The following CSE1L variants were observed in gnomAD, a reference collection of about 807,000 sequenced individuals.
CSE1L encodes chromosome segregation 1 like.
CSE1L carries 24 observed loss-of-function variants against 120.4 expected under a neutral mutation model. That is an observed-to-expected ratio of 0.20 (90% CI 0.14 to 0.28). The LOEUF (loss-of-function observed/expected upper bound fraction) is 0.28, where lower values mean the gene tolerates loss of function less well. Among genes scored for constraint, CSE1L ranks in the 10% least tolerant of loss-of-function variants. The pLI is 1.00. For synonymous variants in CSE1L, 402 were observed against 398.3 expected, an observed-to-expected ratio of 1.01 and a Z score of -0.11; for missense variants, 830 against 1,145.2, an observed-to-expected ratio of 0.72 and a Z score of 3.97.
chr20:49,085,260 G>A (rs757528731), intron 15 of CSE1L, 23 bp from the exon 16 acceptor site: 1 of 1,588,024 alleles, frequency 6.3e-7, no homozygotes, highest in Non-Finnish European at 8.6e-7. Flanking sequence ...GGTAGTGACT[G>A]AAAGCTGTTT....
intron 2 of CSE1L, among the ~76,000 whole-genome samples, chr20:49,062,447 T>C (rs1233964231): frequency 6.6e-6 from 1 of 152,220 alleles, no homozygotes; most frequent in African/African-American, 2.4e-5. Flanking sequence ...ATGTGATCAT[T>C]AACCTAGGAA....
chr20:49,094,062 A>C, intron 22 of CSE1L, 78 bp from the exon 23 acceptor site: 1 of 859,348 alleles, frequency 1.2e-6, no homozygotes, highest in Admixed American at 3.0e-5. Context: ...ATTCATAAGA[A>C]GTAACTAACA....
chr20:49,048,790 G>A (rs537612317), intron 1 of CSE1L, among the ~76,000 whole-genome samples: 1 of 152,296 alleles, frequency 6.6e-6, no homozygotes, highest in African/African-American at 2.4e-5. Flanking sequence ...CAGAGGGTAG[G>A]TTGAGGTGTT....
At chr20:49,068,970 C>T (rs975530316) in intron 7 of CSE1L, 148 bp downstream of exon 7, 14 of 607,688 alleles carry the variant, frequency 2.3e-5, no homozygotes, top group African/African-American at 3.7e-5. Context: ...GTGTTCTGTT[C>T]TACAGTAGTT....
chr20:49,085,219 A>G (rs2092045889), intron 15 of CSE1L, 64 bp from the exon 16 acceptor site: 7 of 1,217,526 alleles, frequency 5.7e-6, no homozygotes, highest in South Asian at 1.2e-5. Context: ...GTGGTTGCCA[A>G]GGGTAATCTG....
At chr20:49,073,537 G>GTGCA (rs2123712065) in intron 10 of CSE1L, among the ~76,000 whole-genome samples, 1 of 152,222 alleles carries the variant, frequency 6.6e-6, no homozygotes, top group Non-Finnish European at 1.5e-5. Context: ...CCAGGCTGGA[G>GTGCA]TGCAGTAGCA....
intron 11 of CSE1L, among the ~76,000 whole-genome samples, 184 bp from the exon 12 acceptor site, chr20:49,075,134 G>A (rs1410777222): frequency 2.6e-5 from 4 of 151,910 alleles, no homozygotes; most frequent in African/African-American, 9.7e-5. Flanking sequence ...TCTTGGGGGC[G>A]GGAATGTTTT....
At chr20:49,084,221 A>G in intron 15 of CSE1L, 59 bp downstream of exon 15, 1 of 1,465,022 alleles carries the variant, frequency 6.8e-7, no homozygotes, top group South Asian at 1.3e-5. Context: ...GTGCTGGTCA[A>G]AGATATCTGA....
At chr20:49,071,967 CAAA>C (rs569520524) in intron 8 of CSE1L, among the ~76,000 whole-genome samples, 4 of 109,344 alleles carry the variant, frequency 3.7e-5, no homozygotes, top group Non-Finnish European at 1.9e-5. Context: ...GACTGCGTCT[CAAA>C]AAAAAAAAAA....
intron 16 of CSE1L, among the ~76,000 whole-genome samples, chr20:49,087,351 CTTTT>C (rs11483071): frequency 8.6e-6 from 1 of 116,294 alleles, no homozygotes; most frequent in Non-Finnish European, 1.7e-5. Context: ...TTTTCTTTTT[CTTTT>C]TTTTTTTTTT....
chr20:49,065,313 A>T (rs6095421), intron 3 of CSE1L, among the ~76,000 whole-genome samples: 2,738 of 52,128 alleles, frequency 0.053, 160 homozygotes, highest in East Asian at 0.11. Flanking sequence ...TGAAAAAAAA[A>T]TTTTTTTTTT....
At chr20:49,059,979 GTTC>G (rs2123673354) in intron 2 of CSE1L, among the ~76,000 whole-genome samples, 1 of 151,998 alleles carries the variant, frequency 6.6e-6, no homozygotes, top group South Asian at 2.1e-4. Flanking sequence ...GAGTCCAGGA[GTTC>G]GAGACCAGCC....
At chr20:49,068,692 A>G (rs762897384) in intron 6 of CSE1L, 23 bp from the exon 7 acceptor site, 12 of 1,526,258 alleles carry the variant, frequency 7.9e-6, no homozygotes, top group Admixed American at 5.0e-5. Flanking sequence ...CACTAAAACC[A>G]TGTTGCTAAA....
chr20:49,078,660 CTT>C (rs2091987700), intron 14 of CSE1L, 38 bp downstream of exon 14: 2 of 1,384,562 alleles, frequency 1.4e-6, no homozygotes, highest in African/African-American at 1.5e-5. Context: ...CACTTAATCT[CTT>C]TAAGAGTTTT....
intron 13 of CSE1L, among the ~76,000 whole-genome samples, 159 bp from the exon 14 acceptor site, chr20:49,078,402 C>T (rs1304331329): frequency 6.6e-6 from 1 of 152,114 alleles, no homozygotes; most frequent in Non-Finnish European, 1.5e-5. Context: ...CATTTATAAT[C>T]CTACCAAAAT....
At chr20:49,067,928 C>CTTTTTTT (rs10567768) in intron 6 of CSE1L, among the ~76,000 whole-genome samples, 235 of 78,466 alleles carry the variant, frequency 3.0e-3, no homozygotes, top group Non-Finnish European at 4.0e-3. Context: ...TTCCCTCTCT[C>CTTTTTTT]TTTTTTTTTT....
At chr20:49,052,607 A>G (rs2091776008) in intron 1 of CSE1L, among the ~76,000 whole-genome samples, 1 of 151,954 alleles carries the variant, frequency 6.6e-6, no homozygotes. Context: ...TGCTGTGGTA[A>G]GGGATTTGGT....
chr20:49,060,551 A>G (rs999287107), intron 2 of CSE1L, among the ~76,000 whole-genome samples: 3 of 152,016 alleles, frequency 2.0e-5, no homozygotes, highest in African/African-American at 7.2e-5. Flanking sequence ...CCAGGAGGGC[A>G]GATCACCTGA....
At chr20:49,053,214 A>G (rs1182733259) in intron 1 of CSE1L, among the ~76,000 whole-genome samples, 1 of 133,784 alleles carries the variant, frequency 7.5e-6, no homozygotes, top group African/African-American at 2.8e-5. Context: ...CACCCTCCCC[A>G]CCCAAGTTTC....
Sources: allele counts gnomAD v4.1 joint callset (sites outside exome capture counted in the v4.1 genomes callset), GRCh38; gene constraint gnomAD v4.1.1; transcripts MANE v1.5; gene names NCBI Gene and HGNC (gene_info 2026-07-23, HGNC 2026-07-21).